Variants in MAST4 observed in about 807,000 individuals in gnomAD.
MAST4 encodes microtubule associated serine/threonine kinase family member 4.
MAST4 carries 89 observed loss-of-function variants against 162.7 expected under a neutral mutation model. The ratio of observed to expected loss-of-function variants is 0.55; its 90% confidence interval spans 0.46 to 0.65. The LOEUF is 0.65. Among genes scored for constraint, MAST4 ranks in the 30% least tolerant of loss-of-function variants. The pLI is 0.00. For missense variants in MAST4, 3,153 were observed against 3,374.0 expected (o/e 0.93, Z 1.62); for synonymous variants, 1,479 against 1,361.1 (o/e 1.09, Z -1.91).
At chr5:66,672,224 T>C (rs1747653294) in intron 1 of MAST4, among the ~76,000 whole-genome samples, 1 of 152,242 alleles carries the variant, frequency 6.6e-6, no homozygotes, top group African/African-American at 2.4e-5. Context: ...TGTGCATATA[T>C]GCATAACCTT....
rs1362965159 is a variant in MAST4, at chr5:67,049,008, C to CACACATATATATATACGTAT, written c.675-5395_675-5394insCACATATATATATACGTATA. 6.1e-3 allele frequency among the ~76,000 whole-genome samples: 634 copies of CACACATATATATATACGTAT among 104,472 alleles called. 13 individuals are homozygous for CACACATATATATATACGTAT. Among genetic ancestry groups the CACACATATATATATACGTAT allele is most frequent in the Admixed American group, 0.021 (213 of 10,052 alleles). The allele number at this position is 104,472 out of a possible 152,430, so 68.5% of individuals were successfully genotyped here. ...ATATGTATATATATATATACACACA[C>CACACATATATATATACGTAT]ATATATATATATACGTATATATATA... On this transcript the variant is annotated intron_variant, in intron 4 of 28. Coordinates refer to ENST00000403625, the MANE Select transcript of MAST4 (RefSeq NM_001164664.2).
At position 67,166,613 on chromosome 5, in the gene MAST4, C is replaced by T. The variant is rs762063633; in HGVS notation, c.7434C>T (p.Ala2478=). Residue 2478 remains alanine, a synonymous_variant, in exon 29 of 29, where the codon GCC becomes GCT. Transcript: ENST00000403625. ...TRAGVREASA[A]SSDTSSAKAA... ...CCGGAGTTAGAGAGGCCTCTGCAGC[C>T]AGCAGCGACACCTCTTCTGCCAAGG... is the stretch of plus-strand genomic sequence containing the variant. 1.7e-5 allele frequency: 28 copies of T among 1,600,738 alleles called. No individual in the cohort carries two copies. In the Admixed American group the frequency reaches 2.2e-4, roughly 13 times the overall value.
intron 2 of MAST4, among the ~76,000 whole-genome samples, chr5:66,777,553 T>C (rs1754660188): frequency 1.3e-5 from 2 of 152,146 alleles, no homozygotes; most frequent in South Asian, 4.1e-4. Context: ...TCTTTGGTGA[T>C]GGACTTGAAA....
chr5:66,727,372 A>G (rs566231311), intron 1 of MAST4, among the ~76,000 whole-genome samples: 15 of 152,234 alleles, frequency 9.9e-5, no homozygotes, highest in African/African-American at 3.4e-4. Flanking sequence ...CATTGATTCC[A>G]CTAATGGGTC....
At chr5:66,890,000 T>TTTGA (rs1420971394) in intron 3 of MAST4, among the ~76,000 whole-genome samples, 3 of 152,174 alleles carry the variant, frequency 2.0e-5, no homozygotes, top group African/African-American at 7.2e-5. Flanking sequence ...AAGCTATGAG[T>TTTGA]TCAATTGATC....
intron 1 of MAST4, among the ~76,000 whole-genome samples, chr5:66,667,495 C>T (rs1747335051): frequency 6.6e-6 from 1 of 152,122 alleles, no homozygotes; most frequent in African/African-American, 2.4e-5. Context: ...ACATTTCTCT[C>T]ATCTTTTTAT....
chr5:66,618,125 G>A (rs989347863), intron 1 of MAST4, among the ~76,000 whole-genome samples: 1 of 151,982 alleles, frequency 6.6e-6, no homozygotes, highest in Non-Finnish European at 1.5e-5. Flanking sequence ...CCGGCCTCCC[G>A]CCCGTTGGCT....
chr5:67,016,946 T>C (rs566261918), intron 4 of MAST4, among the ~76,000 whole-genome samples: 7 of 152,300 alleles, frequency 4.6e-5, no homozygotes, highest in African/African-American at 1.7e-4. Context: ...CCAGAAAATA[T>C]CTGTTGGGAG....
At chr5:67,040,934 T>C (rs1277870023) in intron 4 of MAST4, among the ~76,000 whole-genome samples, 1 of 152,226 alleles carries the variant, frequency 6.6e-6, no homozygotes, top group Non-Finnish European at 1.5e-5. Flanking sequence ...CTTGGACAAG[T>C]TACTGAACTT....
At chr5:66,905,566 G>C (rs1186073884) in intron 4 of MAST4, among the ~76,000 whole-genome samples, 1 of 152,092 alleles carries the variant, frequency 6.6e-6, no homozygotes, top group African/African-American at 2.4e-5. Context: ...TAAAATATTT[G>C]AAGGGATTTA....
chr5:67,075,293 T>A (rs761218574), intron 5 of MAST4, among the ~76,000 whole-genome samples: 2 of 151,100 alleles, frequency 1.3e-5, no homozygotes, highest in Non-Finnish European at 2.9e-5. Context: ...CACCTCAGCC[T>A]CCTTAGTAAC....
intron 2 of MAST4, among the ~76,000 whole-genome samples, chr5:66,762,260 A>T (rs1753886801): frequency 9.2e-6 from 1 of 108,964 alleles, no homozygotes; most frequent in Non-Finnish European, 1.9e-5. Flanking sequence ...TAGAAGAGCT[A>T]AAAAAAAAAT....
intron 1 of MAST4, among the ~76,000 whole-genome samples, chr5:66,727,192 C>A (rs1326248092): frequency 6.6e-6 from 1 of 152,154 alleles, no homozygotes; most frequent in East Asian, 1.9e-4. Context: ...CAACCTGGTA[C>A]ACATGCTACC....
intron 1 of MAST4, among the ~76,000 whole-genome samples, chr5:66,639,258 G>A (rs1745321261): frequency 1.4e-5 from 2 of 147,152 alleles, no homozygotes; most frequent in Admixed American, 1.4e-4. Context: ...TCAGTGTGTT[G>A]ATTAGTACTG....
chr5:67,153,406 G>T lies in MAST4; in HGVS notation c.3526-52G>T. On this transcript the variant is annotated intron_variant, in intron 25 of 28. Transcript: ENST00000403625. ...TATTCTCCCAGAAGACACAGTAGGT[G>T]TTAGAGTAGTCATTTGTTTGCCTAC... 4 of 1,563,552 alleles carry T rather than the reference G, an allele frequency of 2.6e-6. No individual in the cohort carries two copies. In the East Asian group the frequency reaches 6.9e-5, roughly 27 times the overall value.
chr5:66,687,515 T>A (rs1290094987), intron 1 of MAST4, among the ~76,000 whole-genome samples: 1 of 148,906 alleles, frequency 6.7e-6, no homozygotes, highest in East Asian at 1.9e-4. Context: ...TATACATAGA[T>A]GTGTGTGTAC....
intron 3 of MAST4, among the ~76,000 whole-genome samples, chr5:66,824,781 A>G (rs992788355): frequency 1.3e-5 from 2 of 152,248 alleles, no homozygotes; most frequent in African/African-American, 4.8e-5. Flanking sequence ...CCTGTACAGC[A>G]TGTTATTGTA....
chr5:66,641,382 C>T (rs1045681152), intron 1 of MAST4, among the ~76,000 whole-genome samples: 1 of 152,114 alleles, frequency 6.6e-6, no homozygotes, highest in African/African-American at 2.4e-5. Context: ...GTCTTGAACT[C>T]CTGGCCTCAA....
rs1305852011 is a variant in MAST4 at position 66,730,523 on chromosome 5, CTCA to C, written c.364-29184_364-29182del. Among the ~76,000 whole-genome samples the C allele has an allele frequency of 1.2e-4, 18 of 152,202 alleles. No individual in the cohort carries two copies. In the East Asian group the frequency reaches 3.5e-3, roughly 29 times the overall value. ...AGGAAAATGTTTGAAAATGTGATAG[CTCA>C]TTATAAGGGCATTTGACATAAGCAT... On this transcript the variant is annotated intron_variant, in intron 1 of 28. Transcript: ENST00000403625.
Sources: gnomAD v4.1 joint callset for allele counts (sites outside exome capture counted in the v4.1 genomes callset) on GRCh38, gnomAD v4.1.1 for gene constraint, MANE v1.5 for transcripts, NCBI Gene and HGNC (gene_info 2026-07-23, HGNC 2026-07-21) for gene names.